ANKRD17: variants seen among roughly 807,000 people sequenced by gnomAD.
The protein encoded by ANKRD17 is ankyrin repeat domain-containing protein 17.
A neutral mutation model predicts 229.7 loss-of-function variants in ANKRD17; 19 were observed. The observed-to-expected ratio is 0.08, with a 90% CI of 0.06 to 0.12. ANKRD17 has a LOEUF of 0.12. Ranked by LOEUF, ANKRD17 falls within the 10% of genes least tolerant of loss-of-function variation. The probability of loss-of-function intolerance (pLI) is 1.00; values close to 1 mark genes in which losing one functional copy is unlikely to be tolerated. For missense variants in ANKRD17, 2,176 were observed against 3,176.8 expected (o/e 0.68, Z 7.57); for synonymous variants, 1,112 against 1,146.1 (o/e 0.97, Z 0.60).
In ANKRD17 at chr4:73,155,484, T is replaced by G. The variant is rs772523051; in HGVS notation, c.1000+147A>C. The G allele has an allele frequency of 6.7e-4, 579 of 862,766 alleles. 1 individual carries two copies. Among genetic ancestry groups the G allele is most frequent in the Non-Finnish European group, 7.6e-4 (430 of 567,050 alleles). The allele number at this position is 862,766 out of a possible 1,614,324, so 53.4% of individuals were successfully genotyped here. On this transcript the variant is annotated intron_variant, in intron 5 of 33. Transcript: ENST00000358602. ...ATCATTTGAAATATATTCTATATAC[T>G]TCAAAACTCATACACAGATGTGTGA...
chr4:73,248,392 T>C (rs1395999392), intron 1 of ANKRD17, among the ~76,000 whole-genome samples: 1 of 151,976 alleles, frequency 6.6e-6, no homozygotes, highest in African/African-American at 2.4e-5. Context: ...CCCAAAAAAG[T>C]ATAGGATTTA....
chr4:73,233,410 C>G (rs1161297239), intron 1 of ANKRD17, among the ~76,000 whole-genome samples: 2 of 152,070 alleles, frequency 1.3e-5, no homozygotes, highest in African/African-American at 4.8e-5. Flanking sequence ...GATTCTAAAA[C>G]AGAAAATCAA....
At chr4:73,151,552 G>A (rs1440776799) in intron 6 of ANKRD17, 28 bp from the exon 7 acceptor site, 2 of 1,413,234 alleles carry the variant, frequency 1.4e-6, no homozygotes, top group Non-Finnish European at 1.9e-6. Flanking sequence ...AAGATTACTT[G>A]AAAATATTTT....
At chr4:73,179,486 GTGTATATATA>G (rs1181774315) in intron 1 of ANKRD17, among the ~76,000 whole-genome samples, 1 of 60,004 alleles carries the variant, frequency 1.7e-5, no homozygotes, top group African/African-American at 6.1e-5. Flanking sequence ...GTGTGTGTGT[GTGTATATATA>G]TATATATATA....
Sources: gnomAD v4.1 joint callset for allele counts (sites outside exome capture counted in the v4.1 genomes callset) on GRCh38, gnomAD v4.1.1 for gene constraint, MANE v1.5 for transcripts, NCBI Gene and HGNC (gene_info 2026-07-23, HGNC 2026-07-21) for gene names.